The following KANSL1L variants were observed in gnomAD, a reference collection of about 807,000 sequenced individuals.
The protein encoded by KANSL1L is KAT8 regulatory NSL complex subunit 1-like protein.
In KANSL1L, 25 loss-of-function variants were observed where a neutral mutation model predicts 108.6. The ratio of observed to expected loss-of-function variants is 0.23; its 90% CI spans 0.17 to 0.32. KANSL1L has a LOEUF of 0.32. Among genes scored for constraint, KANSL1L ranks in the 10% least tolerant of loss-of-function variants. KANSL1L has a pLI of 1.00. For synonymous variants in KANSL1L, 405 were observed against 395.1 expected (o/e 1.03, Z -0.30); for missense variants, 1,137 against 1,125.7 (o/e 1.01, Z -0.14).
intron 8 of KANSL1L, among the ~76,000 whole-genome samples, chr2:210,039,238 T>G (rs1442261110): frequency 6.6e-6 from 1 of 151,960 alleles, no homozygotes; most frequent in Non-Finnish European, 1.5e-5. Context: ...TTGGGGAAAA[T>G]TGACAACTTT....
chr2:210,140,584 A>G (rs2095218640), intron 2 of KANSL1L, among the ~76,000 whole-genome samples: 1 of 152,180 alleles, frequency 6.6e-6, no homozygotes, highest in South Asian at 2.1e-4. Flanking sequence ...GAAGTCAGGT[A>G]ATGTGGTGCC....
intron 1 of KANSL1L, among the ~76,000 whole-genome samples, chr2:210,168,035 T>C (rs1436297247): frequency 1.3e-5 from 2 of 152,072 alleles, no homozygotes; most frequent in Non-Finnish European, 2.9e-5. Context: ...TGGAACATAC[T>C]AAAAGTAATG....
intron 6 of KANSL1L, among the ~76,000 whole-genome samples, chr2:210,051,695 C>T (rs1023733593): frequency 2.0e-5 from 3 of 152,078 alleles, no homozygotes; most frequent in Admixed American, 6.6e-5. Flanking sequence ...CATTCTTACC[C>T]ATTATAGGTC....
chr2:210,101,896 CAAGCAGGCATGA>C (rs1176956150), intron 4 of KANSL1L, among the ~76,000 whole-genome samples: 4 of 152,264 alleles, frequency 2.6e-5, no homozygotes, highest in African/African-American at 9.6e-5. Flanking sequence ...AAATTAGATG[CAAGCAGGCATGA>C]ATCTGTATAA....
intron 1 of KANSL1L, among the ~76,000 whole-genome samples, chr2:210,164,414 T>G (rs756242784): frequency 4.6e-5 from 7 of 152,166 alleles, no homozygotes; most frequent in Non-Finnish European, 7.4e-5. Flanking sequence ...TATTTAGGTT[T>G]CCAATTATAC....
At position 210,153,804 on chromosome 2, in the gene KANSL1L, T is replaced by G. The variant is rs753522461; in HGVS notation, c.779A>C (p.Gln260Pro). ...TTGATGTTTCATAGACAATTTCATCTGCTGACCATAGTGCTTAACAACATG... is the reference window on the plus strand; with the variant it reads ...TTGATGTTTCATAGACAATTTCATCGGCTGACCATAGTGCTTAACAACATG... ...AKHVVKHYGQ[Q>P]MKLSMKHQLP... Residue 260 changes from glutamine (Q) to proline (P), a missense_variant, in exon 2 of 15, where the codon CAG (glutamine) becomes CCG (proline). Transcript: ENST00000281772. The G allele has an allele frequency of 5.0e-6, 8 of 1,613,386 alleles. No individual in the cohort carries two copies. The highest frequency in any genetic ancestry group is 6.8e-6 in the Non-Finnish European group (8 of 1,179,844).
chr2:210,029,311 C>G lies in KANSL1L; in HGVS notation c.2272-342G>C, dbSNP rs576845541. ...AATGTCAATGAAAATGATCAGTAAC[C>G]ACTTTTTATTAGGAAAGGCAGTGAA... On this transcript the variant is annotated intron_variant, in intron 10 of 14. Transcript: ENST00000281772. Among the ~76,000 whole-genome samples the G allele has an allele frequency of 2.2e-3, 342 of 152,058 alleles. 2 individuals are homozygous for G. Among genetic ancestry groups the G allele is most frequent in the Admixed American group, 2.6e-3 (40 of 15,282 alleles).
At chr2:210,080,374 T>G (rs1013103735) in intron 5 of KANSL1L, 3 of 152,146 alleles carry the variant, frequency 2.0e-5, no homozygotes, top group Admixed American at 1.3e-4. Context: ...ATCTGAGAAA[T>G]TCAAGTCCCT....
At chr2:210,150,700 T>C (rs181652719) in intron 2 of KANSL1L, among the ~76,000 whole-genome samples, 1 of 151,382 alleles carries the variant, frequency 6.6e-6, no homozygotes, top group East Asian at 2.0e-4. Context: ...GAGAATCGCT[T>C]GAACCCAGGA....
At chr2:210,138,247 T>C (rs1438664341) in intron 2 of KANSL1L, among the ~76,000 whole-genome samples, 4 of 151,802 alleles carry the variant, frequency 2.6e-5, no homozygotes, top group Non-Finnish European at 4.4e-5. Context: ...TTCTCACTTA[T>C]AAGTGGGGGC....
intron 3 of KANSL1L, among the ~76,000 whole-genome samples, chr2:210,125,072 G>A (rs2095053992): frequency 6.6e-6 from 1 of 152,018 alleles, no homozygotes; most frequent in Admixed American, 6.6e-5. Flanking sequence ...TGGACAACAT[G>A]GTGAAATCCC....
chr2:210,171,687 TC>T (rs1053299647), upstream of KANSL1L: 1 of 150,816 alleles, frequency 6.6e-6, no homozygotes, highest in Non-Finnish European at 1.5e-5. Context: ...CCAGGAGACT[TC>T]CCACCCCTGC....
At chr2:210,074,511 C>T (rs547255826) in intron 6 of KANSL1L, among the ~76,000 whole-genome samples, 14 of 152,176 alleles carry the variant, frequency 9.2e-5, no homozygotes, top group Admixed American at 3.9e-4. Flanking sequence ...GTATTTTTCA[C>T]GCTGGGCTAA....
chr2:210,023,054 A>G lies in KANSL1L; in HGVS notation c.2859T>C (p.Gly953=), dbSNP rs753597223. The change falls in exon 15 of 15, where the codon GGT becomes GGC. Residue 953 remains glycine (G), a synonymous_variant. Transcript: ENST00000281772. Reference sequence around the variant, plus strand: ...GGTGGCCATTCTCTGGTACACTGGTACCGAAGATTTCACCATGGAAAGCTG... The same window carrying G: ...GGTGGCCATTCTCTGGTACACTGGTGCCGAAGATTTCACCATGGAAAGCTG... The part of the protein sequence containing the change: ...SSTAFHGEIF[G]TSVPENGHHP... The G allele has an allele frequency of 3.2e-5, 52 of 1,613,852 alleles. No individual in the cohort carries two copies. In the East Asian group the frequency reaches 8.7e-4, roughly 27 times the overall value.
chr2:210,118,672 C>T (rs2094982228), intron 3 of KANSL1L, among the ~76,000 whole-genome samples: 2 of 151,492 alleles, frequency 1.3e-5, no homozygotes. Flanking sequence ...ATGGCAAAAC[C>T]CCCATCTCTA....
At chr2:210,135,229 C>T (rs992003134) in intron 2 of KANSL1L, among the ~76,000 whole-genome samples, 6 of 152,082 alleles carry the variant, frequency 3.9e-5, no homozygotes, top group African/African-American at 1.4e-4. Context: ...TGATGAACCA[C>T]ACAGAAACCC....
chr2:210,111,084 C>T (rs1389252144), intron 3 of KANSL1L, among the ~76,000 whole-genome samples: 1 of 151,864 alleles, frequency 6.6e-6, no homozygotes, highest in Non-Finnish European at 1.5e-5. Flanking sequence ...TGCACTCCAG[C>T]CTGGCCAACA....
At chr2:210,159,060 G>A (rs897546193) in intron 1 of KANSL1L, among the ~76,000 whole-genome samples, 2 of 152,104 alleles carry the variant, frequency 1.3e-5, no homozygotes, top group Non-Finnish European at 2.9e-5. Flanking sequence ...CAGAAGATGC[G>A]CAACAAATAA....
At chr2:210,090,126 C>A (rs1014036284) in intron 5 of KANSL1L, among the ~76,000 whole-genome samples, 2 of 152,152 alleles carry the variant, frequency 1.3e-5, no homozygotes, top group East Asian at 3.8e-4. Flanking sequence ...TACTTTATGT[C>A]CTCACATTAC....
Sources: gnomAD v4.1 joint callset for allele counts (sites outside exome capture counted in the v4.1 genomes callset) on GRCh38, gnomAD v4.1.1 for gene constraint, MANE v1.5 for transcripts, NCBI Gene and HGNC (gene_info 2026-07-23, HGNC 2026-07-21) for gene names.